Variants in ITGA5 observed in about 807,000 individuals in gnomAD.
ITGA5 encodes the protein integrin subunit alpha 5, also known as integrin alpha-5.
In ITGA5, 55 loss-of-function variants were observed where a neutral mutation model predicts 146.3. The observed-to-expected ratio is 0.38, with a 90% CI of 0.30 to 0.47. The LOEUF (loss-of-function observed/expected upper bound fraction) is 0.47. Among genes scored for constraint, ITGA5 ranks in the 20% least tolerant of loss-of-function variants. The pLI, the probability that ITGA5 is intolerant of heterozygous loss-of-function variation, is 0.99. For synonymous variants in ITGA5, 500 were observed against 531.8 expected, an observed-to-expected ratio of 0.94 and a Z score of 0.82; for missense variants, 1,131 against 1,329.0, an observed-to-expected ratio of 0.85 and a Z score of 2.32.
chr12:54,402,386 A>T (rs1955798521), intron 19 of ITGA5, 56 bp from the exon 20 acceptor site: 1 of 1,515,298 alleles, frequency 6.6e-7, no homozygotes, highest in Non-Finnish European at 9.0e-7. Context: ...AAACCAGGAC[A>T]AAGGACCATT....
At chr12:54,407,432 T>C (rs1955881335) in intron 9 of ITGA5, 1 of 601,680 alleles carries the variant, frequency 1.7e-6, no homozygotes, top group Non-Finnish European at 3.0e-6. Flanking sequence ...TATCCCAGTA[T>C]ACAGAGAAGA....
At position 54,400,917 on chromosome 12, in the gene ITGA5, G is replaced by A. The variant is rs750988212; in HGVS notation, c.2572C>T (p.Leu858Phe). The A allele has an allele frequency of 4.3e-6, 7 of 1,614,042 alleles. No homozygotes were observed. The South Asian group carries it at 5.5e-5, about 13-fold the overall frequency. The change falls in exon 25 of 30, where the codon CTC becomes TTC. Residue 858 changes from leucine (L) to phenylalanine (F), a missense_variant. Coordinates refer to ENST00000293379, the MANE Select transcript of ITGA5 (RefSeq NM_002205.5). ...SCPQALEGQQ[L>F]LYVTRVTGLN... ...CCCGTAACTCTGGTCACATATAGGA[G>A]CTGCTGACCTTCCAGAGCCTGGGGA...
In ITGA5 at chr12:54,416,542, G is replaced by GGA. The variant is rs59392779; in HGVS notation, c.218+2437_218+2438dup. On this transcript the variant is annotated intron_variant, in intron 1 of 29. Coordinates refer to ENST00000293379, the MANE Select transcript of ITGA5 (RefSeq NM_002205.5). The surrounding 1 kb of genome is among the most constrained non-coding windows in gnomAD (Gnocchi z 4.1). Reference sequence around the variant, plus strand: ...ATACTCAAAGCAAGTAAGAAATGAGGGAACTAGGCGGTAGCCAGGAAGGAG... The same window carrying GGA: ...ATACTCAAAGCAAGTAAGAAATGAGGGAGAACTAGGCGGTAGCCAGGAAGGAG... Among the ~76,000 whole-genome samples the GGA allele has an allele frequency of 0.052, 7,955 of 152,232 alleles. 525 individuals are homozygous for GGA. Among genetic ancestry groups the GGA allele is most frequent in the African/African-American group, 0.15 (6,204 of 41,498 alleles).
intron 13 of ITGA5, 48 bp downstream of exon 13, chr12:54,404,655 A>T: frequency 6.5e-7 from 1 of 1,547,858 alleles, no homozygotes; most frequent in Non-Finnish European, 8.9e-7. Context: ...AGTAGGGGTC[A>T]GTGACCAGGG....
chr12:54,400,382 C>T (rs1955771777), intron 25 of ITGA5: 1 of 198,828 alleles, frequency 5.0e-6, no homozygotes, highest in Admixed American at 5.2e-5. Flanking sequence ...AATTTTTCTC[C>T]TTCTCTTTTT....
In ITGA5 at chr12:54,401,897, T is replaced by C. The variant is rs752271240; in HGVS notation, c.2227-42A>G. ...AGGAAAAGAGGGCAGTTAGACTGTG[T>C]ATTTCACCCTCCCTCCGCACCTCAC... On this transcript the variant is annotated intron_variant, in intron 21 of 29. Transcript: ENST00000293379. This position sits in a 1 kb window ranked among gnomAD's most constrained non-coding sequence, Gnocchi z 5.0. 13 of 1,603,382 alleles carry C rather than the reference T, an allele frequency of 8.1e-6. No homozygotes were observed. The highest frequency in any genetic ancestry group is 1.1e-5 in the Non-Finnish European group (13 of 1,170,448).
rs1373592332 is a variant in ITGA5 at position 54,409,105 on chromosome 12, G to A, written c.583+127C>T. On this transcript the variant is annotated intron_variant, in intron 4 of 29. Coordinates refer to ENST00000293379, the MANE Select transcript of ITGA5 (RefSeq NM_002205.5). The surrounding 1 kb of genome is among the most constrained non-coding windows in gnomAD (Gnocchi z 4.7). The stretch of plus-strand genomic sequence containing the variant: ...GCATAAAGGCTAACGAACTGGGTTA[G>A]CCTTTATCTTAAGCAACCTAGAACC... 2 of 1,455,690 alleles carry A rather than the reference G, an allele frequency of 1.4e-6. No homozygotes were observed. The highest frequency in any genetic ancestry group is 1.9e-6 in the Non-Finnish European group (2 of 1,064,922). The allele number at this position is 1,455,690 out of a possible 1,614,324, so 90.2% of individuals were successfully genotyped here.
chr12:54,419,241 G>T lies in ITGA5; in HGVS notation c.-43C>A. ...GTCCTGGGGCCACCGACCCGGAGCC[G>T]CTTCCTAAACCTCCCAGAGGCGAAT... On this transcript the variant is annotated 5_prime_UTR_variant, in exon 1 of 30. Transcript: ENST00000293379. 1 of 1,544,122 alleles carries T rather than the reference G, an allele frequency of 6.5e-7. No homozygotes were observed. The highest frequency in any genetic ancestry group is 8.7e-7 in the Non-Finnish European group (1 of 1,144,732).
In ITGA5 at chr12:54,402,243, C is replaced by T. The variant is rs763336761; in HGVS notation, c.2070G>A (p.Glu690=). 2 of 1,614,150 alleles carry T rather than the reference C, an allele frequency of 1.2e-6. No individual in the cohort carries two copies. The highest frequency in any genetic ancestry group is 1.7e-6 in the Non-Finnish European group (2 of 1,180,026). The change falls in exon 20 of 30, where the codon GAG becomes GAA. Residue 690 remains glutamate, a synonymous_variant. Transcript: ENST00000293379. ...GAGGGGCGGTGACCCGAAGCTCAGCCTCATAGGCGCCACCCTCACCCACAT... is the reference window on the plus strand; with the variant it reads ...GAGGGGCGGTGACCCGAAGCTCAGCTTCATAGGCGCCACCCTCACCCACAT... ...AQNVGEGGAY[E]AELRVTAPPE... is the part of the protein sequence containing the mutation.
Position 54,402,163 on chromosome 12 carries a change from C to G in ITGA5, c.2133+17G>C. 1.2e-6 allele frequency: 2 copies of G among 1,613,152 alleles called. No individual in the cohort carries two copies. Among genetic ancestry groups the G allele is most frequent in the African/African-American group, 1.3e-5 (1 of 75,002 alleles). On this transcript the variant is annotated intron_variant, in intron 20 of 29. Coordinates refer to ENST00000293379, the MANE Select transcript of ITGA5 (RefSeq NM_002205.5). The stretch of plus-strand genomic sequence containing the variant: ...GAGGGGTATCCTCCCAAATCCCACT[C>G]GAGAGTCTCATCTCACCCCTGGGTG...
chr12:54,402,909 A>T, intron 19 of ITGA5, 74 bp downstream of exon 19: 1 of 1,204,168 alleles, frequency 8.3e-7, no homozygotes, highest in Non-Finnish European at 1.2e-6. Flanking sequence ...CGACACAGCT[A>T]GTATGTCCCT....
Position 54,403,625 on chromosome 12 carries a change from C to T in ITGA5, c.1776G>A (p.Arg592=). The T allele has an allele frequency of 6.2e-7, 1 of 1,613,472 alleles. No homozygotes were observed. The highest frequency in any genetic ancestry group is 1.1e-5 in the South Asian group (1 of 91,038). Residue 592 remains arginine, a splice_region_variant and synonymous_variant, in exon 17 of 30, where the codon AGG becomes AGA. Transcript: ENST00000293379. The surrounding 1 kb of genome is among the most constrained non-coding windows in gnomAD (Gnocchi z 4.9). ...CCACACCCCGCCCTCTGGGCCATAC[C>T]CTGAGGTAGATCTTCATCTCTCTGC... ...EDCREMKIYL[R]NESEFRDKLS...
intron 6 of ITGA5, 80 bp downstream of exon 6, chr12:54,408,676 C>G: frequency 7.3e-7 from 1 of 1,363,536 alleles, no homozygotes; most frequent in Non-Finnish European, 1.0e-6. Flanking sequence ...TGCCACTGCA[C>G]TCCAGCCTGG....
At position 54,409,319 on chromosome 12, in the gene ITGA5, T is replaced by A. The variant is rs778703752; in HGVS notation, c.496A>T (p.Lys166Ter). The A allele has an allele frequency of 6.2e-7, 1 of 1,613,754 alleles. No individual in the cohort carries two copies. The highest frequency in any genetic ancestry group is 8.5e-7 in the Non-Finnish European group (1 of 1,179,882). The change falls in exon 4 of 30, where the codon AAG becomes TAG. Residue 166 changes from lysine to a stop codon, truncating the protein, a stop_gained. Coordinates refer to ENST00000293379, the MANE Select transcript of ITGA5 (RefSeq NM_002205.5). LOFTEE classifies it high-confidence loss of function. This position sits in a 1 kb window ranked among gnomAD's most constrained non-coding sequence, Gnocchi z 4.7. ...CCCACGGGGTCGCTCAGTGGCTCCT[T>A]CTCTGTGCGCCAGCTGTACAGTGGA... ...CAPLYSWRTE[K>*]EPLSDPVGTC...
Position 54,401,034 on chromosome 12 carries a change from G to T in ITGA5, c.2494-39C>A. The T allele has an allele frequency of 1.3e-6, 2 of 1,594,972 alleles. No individual in the cohort carries two copies. Among genetic ancestry groups the T allele is most frequent in the Non-Finnish European group, 1.7e-6 (2 of 1,167,804 alleles). ...AGCACAATCATCATGAGAAGGAAGG[G>T]AATGCTTCTGCCCCATTGAGACCCT... On this transcript the variant is annotated intron_variant, in intron 24 of 29. Coordinates refer to ENST00000293379, the MANE Select transcript of ITGA5 (RefSeq NM_002205.5). This position sits in a 1 kb window ranked among gnomAD's most constrained non-coding sequence, Gnocchi z 5.0.
In ITGA5 at chr12:54,402,347, G is replaced by C; in HGVS notation, c.1983-17C>G. ...TTCTGCTCCCTGGAAGGGACACAGA[G>C]GGTAAGGGACATTGGTGAATTAATC... On this transcript the variant is annotated splice_polypyrimidine_tract_variant and intron_variant, in intron 19 of 29. Coordinates refer to ENST00000293379, the MANE Select transcript of ITGA5 (RefSeq NM_002205.5). 6.3e-7 allele frequency: 1 copy of C among 1,598,140 alleles called. No individual in the cohort carries two copies. Among genetic ancestry groups the C allele is most frequent in the Non-Finnish European group, 8.5e-7 (1 of 1,170,610 alleles).
intron 1 of ITGA5, among the ~76,000 whole-genome samples, chr12:54,418,331 G>C (rs1379697605): frequency 6.6e-6 from 1 of 150,900 alleles, no homozygotes; most frequent in African/African-American, 2.4e-5. Context: ...GGATCCCCTC[G>C]CCTGAACAGA....
At chr12:54,400,682 T>A in intron 25 of ITGA5, 164 bp downstream of exon 25, 1 of 617,108 alleles carries the variant, frequency 1.6e-6, no homozygotes, top group South Asian at 2.2e-5. Flanking sequence ...AAAGTCCTTT[T>A]TCCTCCAGAG....
rs1286907791 is a variant in ITGA5 at position 54,405,865 on chromosome 12, C to T, written c.963+5G>A. 4 of 1,613,584 alleles carry T rather than the reference C, an allele frequency of 2.5e-6. No homozygotes were observed. Among genetic ancestry groups the T allele is most frequent in the Non-Finnish European group, 2.5e-6 (3 of 1,179,564 alleles). On this transcript the variant is annotated splice_donor_5th_base_variant and intron_variant, in intron 10 of 29. Transcript: ENST00000293379. ...AGCTGGGGTGGGGTTGAGGGGTATC[C>T]TTACCTGTTCCCCTGAGAAGTTGTA...
Sources: allele counts gnomAD v4.1 joint callset (sites outside exome capture counted in the v4.1 genomes callset), GRCh38; gene constraint gnomAD v4.1.1; non-coding constraint Gnocchi (gnomAD v3.1); transcripts MANE v1.5; gene names NCBI Gene and HGNC (gene_info 2026-07-23, HGNC 2026-07-21).